Variants in CPZ observed in about 807,000 individuals in gnomAD.
CPZ encodes carboxypeptidase Z, also known as VEZT/CPZ fusion.
A neutral mutation model predicts 61.8 loss-of-function variants in CPZ; 103 were observed. That is an observed-to-expected ratio of 1.67 (90% CI 1.42 to 1.96). The LOEUF (loss-of-function observed/expected upper bound fraction) is 1.96, where lower values mean the gene tolerates loss of function less well. Ranked by LOEUF, CPZ falls within the 30% of genes most tolerant of loss-of-function variation. CPZ has a pLI of 0.00. For synonymous variants in CPZ, 551 were observed against 373.7 expected (o/e 1.47, Z -5.47); for missense variants, 1,461 against 914.9 (o/e 1.60, Z -7.70).
At chr4:8,607,736 C>T (rs13104605) in intron 7 of CPZ, among the ~76,000 whole-genome samples, 10 of 151,964 alleles carry the variant, frequency 6.6e-5, no homozygotes, top group Admixed American at 5.9e-4. Flanking sequence ...AGCTCCGCCC[C>T]GCGCCTGGCG....
intron 6 of CPZ, 110 bp from the exon 7 acceptor site, chr4:8,607,157 C>A: frequency 7.5e-7 from 1 of 1,325,512 alleles, no homozygotes; most frequent in Non-Finnish European, 1.0e-6. Flanking sequence ...GATGTAGAGA[C>A]CGTTAATAGT....
At chr4:8,612,315 G>T (rs1274431128) in intron 8 of CPZ, among the ~76,000 whole-genome samples, 153 bp downstream of exon 8, 1 of 151,852 alleles carries the variant, frequency 6.6e-6, no homozygotes, top group East Asian at 1.9e-4. Context: ...GAGGAGGCTG[G>T]CGTGAGTTTT....
chr4:8,616,208 G>A (rs1716143747), intron 9 of CPZ, among the ~76,000 whole-genome samples: 1 of 152,230 alleles, frequency 6.6e-6, no homozygotes, highest in Admixed American at 6.5e-5. Flanking sequence ...GATCAAGCCT[G>A]TCGTGGCCAA....
In CPZ at chr4:8,606,852, C is replaced by A. The variant is rs1246589355; in HGVS notation, c.1022C>A (p.Ala341Glu). Residue 341 changes from alanine to glutamate, a missense_variant, in exon 6 of 11, where the codon GCA (alanine) becomes GAA (glutamate). Physicochemically the swap from Ala to Glu is moderately radical, Grantham distance 107. Coordinates refer to ENST00000360986, the MANE Select transcript of CPZ (RefSeq NM_001014447.3). ...TACCGGCTGGCGGAGACCCGCGGCG[C>A]ACGCAGCGACCACATCCCCATCCCC... ...EYYRLAETRG[A>E]RSDHIPIPQH... 1 of 1,613,308 alleles carries A rather than the reference C, an allele frequency of 6.2e-7. No homozygotes were observed. The highest frequency in any genetic ancestry group is 1.3e-5 in the African/African-American group (1 of 74,940).
At chr4:8,618,348 C>A in intron 9 of CPZ, 81 bp from the exon 10 acceptor site, 2 of 1,336,884 alleles carry the variant, frequency 1.5e-6, no homozygotes, top group Non-Finnish European at 2.1e-6. Context: ...CTCTGAGGAG[C>A]ATGTGGGGAA....
intron 1 of CPZ, among the ~76,000 whole-genome samples, chr4:8,593,986 A>G (rs549948768): frequency 2.0e-4 from 30 of 152,174 alleles, no homozygotes; most frequent in African/African-American, 7.0e-4. Context: ...AGTATCTAGA[A>G]TCATAGGCTT....
chr4:8,608,613 C>T (rs1158157188), intron 7 of CPZ, among the ~76,000 whole-genome samples: 1 of 68,618 alleles, frequency 1.5e-5, no homozygotes. Context: ...GAGAAGACTG[C>T]CAGGGCTGCA....
rs1439538859 is a variant in CPZ, at chr4:8,612,147, T to A, written c.1348T>A (p.Tyr450Asn). The part of the protein sequence containing the change: ...RGSIINGADW[Y>N]SFTGGMSDFN... ...GAGCATCATCAACGGGGCGGACTGGTACAGCTTCACGGGAGGTGCGGCTTC... is the reference window on the plus strand; with the variant it reads ...GAGCATCATCAACGGGGCGGACTGGAACAGCTTCACGGGAGGTGCGGCTTC... The change falls in exon 8 of 11, where the codon TAC becomes AAC. Residue 450 changes from tyrosine to asparagine, a missense_variant. Physicochemically the swap from Tyr to Asn is moderately radical, Grantham distance 143. Transcript: ENST00000360986. 2.1e-6 allele frequency: 3 copies of A among 1,450,882 alleles called. No individual in the cohort carries two copies. Among genetic ancestry groups the A allele is most frequent in the Non-Finnish European group, 2.8e-6 (3 of 1,086,504 alleles). 89.9% of individuals were successfully genotyped at this position (1,450,882 alleles called of 1,614,324 possible).
At position 8,605,590 on chromosome 4, in the gene CPZ, G is replaced by T. The variant is rs1371878358; in HGVS notation, c.710-399G>T. Among the ~76,000 whole-genome samples the T allele has an allele frequency of 3.3e-3, 342 of 102,166 alleles. 3 individuals are homozygous for T. Among genetic ancestry groups the T allele is most frequent in the African/African-American group, 0.02 (326 of 16,596 alleles). The allele number at this position is 102,166 out of a possible 152,430, so 67.0% of individuals were successfully genotyped here. A position where few individuals can be genotyped will look rare whatever the true frequency, so the allele number is the denominator to read the frequency against. The stretch of plus-strand genomic sequence containing the variant: ...ATCTATCCATCCAGCCATCCAGCCA[G>T]CCATTATTCATCCATCCATCCATCC... On this transcript the variant is annotated intron_variant, in intron 4 of 10. Transcript: ENST00000360986.
At chr4:8,617,992 G>T (rs73213401) in intron 9 of CPZ, 6,827 of 196,148 alleles carry the variant, frequency 0.035, 184 homozygotes, top group East Asian at 0.1. Flanking sequence ...CGCGCTGCTC[G>T]AGCGAGGGTC....
At chr4:8,615,081 G>A (rs560504614) in intron 9 of CPZ, among the ~76,000 whole-genome samples, 5 of 152,044 alleles carry the variant, frequency 3.3e-5, no homozygotes, top group African/African-American at 1.2e-4. Context: ...CAGGGTTTTG[G>A]GGCCTCAGAG....
chr4:8,593,226 T>G (rs945274520), intron 1 of CPZ, among the ~76,000 whole-genome samples: 1 of 152,198 alleles, frequency 6.6e-6, no homozygotes, highest in Non-Finnish European at 1.5e-5. Flanking sequence ...AGGGGCGCCC[T>G]GCAGGTGGGT....
Position 8,610,472 on chromosome 4 carries a change from G to T in CPZ, c.1228-1555G>T, listed in dbSNP as rs115453984. On this transcript the variant is annotated intron_variant, in intron 7 of 10. Transcript: ENST00000360986. ...GACTGTAGGGCAGGGAGGCCTTGTG[G>T]GTAGAAAGGGTGACACGGTGGGTTG... Among the ~76,000 whole-genome samples, 1,174 of 152,250 alleles carry T rather than the reference G, an allele frequency of 7.7e-3. 18 individuals are homozygous for T. Among genetic ancestry groups the T allele is most frequent in the African/African-American group, 0.026 (1,064 of 41,544 alleles).
At chr4:8,605,721 C>A (rs963288989) in intron 4 of CPZ, among the ~76,000 whole-genome samples, 1 of 148,926 alleles carries the variant, frequency 6.7e-6, no homozygotes, top group African/African-American at 2.6e-5. Flanking sequence ...GAAGAGAGAC[C>A]ATCAGTTAAA....
chr4:8,598,194 C>A (rs76527899), intron 1 of CPZ, among the ~76,000 whole-genome samples: 3 of 152,186 alleles, frequency 2.0e-5, no homozygotes, highest in Admixed American at 2.0e-4. Flanking sequence ...CGTCCCCATC[C>A]CACAAGAGCT....
intron 5 of CPZ, among the ~76,000 whole-genome samples, chr4:8,606,447 C>CG (rs778846406): frequency 1.5e-4 from 23 of 151,690 alleles, no homozygotes; most frequent in East Asian, 1.2e-3. Context: ...TGTGTGTCAG[C>CG]GGGGGGTCAG....
At chr4:8,615,074 G>A (rs1391319799) in intron 9 of CPZ, among the ~76,000 whole-genome samples, 1 of 152,058 alleles carries the variant, frequency 6.6e-6, no homozygotes, top group East Asian at 1.9e-4. Context: ...GTTCAGGCAG[G>A]GTTTTGGGGC....
In CPZ at chr4:8,601,395, G is replaced by T. The variant is rs777352854; in HGVS notation, c.394G>T (p.Ala132Ser). Residue 132 changes from alanine (A) to serine (S), a missense_variant, in exon 3 of 11, where the codon GCC becomes TCC. Coordinates refer to ENST00000360986, the MANE Select transcript of CPZ (RefSeq NM_001014447.3). Reference sequence around the variant, plus strand: ...GGGCCTGCGGGAGGTCTGCCAGCCCGCCTTCGACGCCATTGACATGGCCTG... The same window carrying T: ...GGGCCTGCGGGAGGTCTGCCAGCCCTCCTTCGACGCCATTGACATGGCCTG... Reference protein sequence around the residue: ...CEGLREVCQPAFDAIDMAWPY... With the variant: ...CEGLREVCQPSFDAIDMAWPY... The T allele has an allele frequency of 2.5e-6, 4 of 1,591,206 alleles. No individual in the cohort carries two copies. The highest frequency in any genetic ancestry group is 3.4e-6 in the Non-Finnish European group (4 of 1,167,772).
At chr4:8,609,264 CTTA>C (rs1349603951) in intron 7 of CPZ, among the ~76,000 whole-genome samples, 3 of 93,976 alleles carry the variant, frequency 3.2e-5, no homozygotes, top group Non-Finnish European at 6.5e-5. Context: ...CACTCATTCT[CTTA>C]TTCATTCACA....
Sources: gnomAD v4.1 joint callset for allele counts (sites outside exome capture counted in the v4.1 genomes callset) on GRCh38, gnomAD v4.1.1 for gene constraint, MANE v1.5 for transcripts, NCBI Gene and HGNC (gene_info 2026-07-23, HGNC 2026-07-21) for gene names.